The following ADD3 variants were observed in gnomAD, a reference collection of about 807,000 sequenced individuals.
The protein encoded by ADD3 is adducin 3.
A neutral mutation model predicts 80.2 loss-of-function variants in ADD3; 25 were observed. The ratio of observed to expected loss-of-function variants is 0.31; its 90% CI spans 0.23 to 0.44. ADD3 has a LOEUF of 0.44. Among genes scored for constraint, ADD3 ranks in the 20% least tolerant of loss-of-function variants. ADD3 has a pLI of 1.00. For missense variants in ADD3, 829 were observed against 847.5 expected (o/e 0.98, Z 0.27); for synonymous variants, 284 against 289.6 (o/e 0.98, Z 0.20).
chr10:110,127,369 A>C (rs1381088746), intron 12 of ADD3, among the ~76,000 whole-genome samples: 2 of 152,196 alleles, frequency 1.3e-5, no homozygotes. Context: ...CTGTAATCCC[A>C]GCACTTTGGG....
chr10:110,117,536 A>G (rs1020633414), intron 5 of ADD3, 114 bp downstream of exon 5: 1 of 640,018 alleles, frequency 1.6e-6, no homozygotes, highest in South Asian at 1.9e-5. Context: ...AACATTTACT[A>G]GTGAACAGTG....
chr10:110,093,967 A>AC (rs1489254450), intron 1 of ADD3, among the ~76,000 whole-genome samples: 1 of 152,104 alleles, frequency 6.6e-6, no homozygotes. Context: ...AAGGAGGGGA[A>AC]CTACTGTATT....
intron 1 of ADD3, among the ~76,000 whole-genome samples, chr10:110,072,028 G>T (rs183942913): frequency 2.0e-5 from 3 of 152,160 alleles, no homozygotes; most frequent in African/African-American, 4.8e-5. Context: ...TATTAAATAG[G>T]CAAGGGACAT....
chr10:110,062,138 G>A lies in ADD3; in HGVS notation c.-29-38487G>A, dbSNP rs1040314914. ...AGCACTTTGGGAGGCCGAGGCAGGC[G>A]TATCACCTGAGGTCGGGAGTTCAAG... is the stretch of plus-strand genomic sequence containing the variant. On this transcript the variant is annotated intron_variant, in intron 1 of 14. Coordinates refer to ENST00000356080, the MANE Select transcript of ADD3 (RefSeq NM_016824.5). Among the ~76,000 whole-genome samples, 15 of 143,130 alleles carry A rather than the reference G, an allele frequency of 1.0e-4. No homozygotes were observed. The East Asian group carries it at 1.4e-3, about 14-fold the overall frequency. The allele number at this position is 143,130 out of a possible 152,430, so 93.9% of individuals were successfully genotyped here.
At chr10:110,056,862 C>T (rs1211334039) in intron 1 of ADD3, among the ~76,000 whole-genome samples, 1 of 152,062 alleles carries the variant, frequency 6.6e-6, no homozygotes, top group Admixed American at 6.6e-5. Flanking sequence ...AAGGAAAAAC[C>T]CTTTCTTTTT....
chr10:110,088,557 A>G (rs964656066), intron 1 of ADD3, among the ~76,000 whole-genome samples: 4 of 152,222 alleles, frequency 2.6e-5, no homozygotes, highest in Non-Finnish European at 4.4e-5. Context: ...TTAGCAGCCA[A>G]AATCGGAAGG....
chr10:110,120,851 C>T (rs1002506530), intron 8 of ADD3, among the ~76,000 whole-genome samples: 1 of 152,066 alleles, frequency 6.6e-6, no homozygotes, highest in Non-Finnish European at 1.5e-5. Flanking sequence ...CGCCACATAC[C>T]TACGACTAGC....
At chr10:110,130,297 G>T in intron 12 of ADD3, 66 bp from the exon 13 acceptor site, 2 of 1,514,578 alleles carry the variant, frequency 1.3e-6, no homozygotes, top group Non-Finnish European at 1.8e-6. Flanking sequence ...TATATAGATG[G>T]ATGGATGGAT....
chr10:110,116,225 C>T (rs373456066), intron 3 of ADD3, 34 bp from the exon 4 acceptor site: 3 of 1,609,234 alleles, frequency 1.9e-6, no homozygotes, highest in Non-Finnish European at 2.5e-6. Flanking sequence ...GATTGCATGA[C>T]TCGTATCTCT....
intron 8 of ADD3, among the ~76,000 whole-genome samples, chr10:110,120,233 C>A (rs1417669941): frequency 1.9e-5 from 2 of 107,552 alleles, no homozygotes; most frequent in African/African-American, 7.2e-5. Flanking sequence ...CCTCCCCCCA[C>A]CCCACCACAG....
intron 1 of ADD3, among the ~76,000 whole-genome samples, chr10:110,024,013 A>G (rs917200375): frequency 1.3e-5 from 2 of 152,202 alleles, no homozygotes; most frequent in African/African-American, 4.8e-5. Flanking sequence ...GGGGACTACT[A>G]GAGGCAGAAG....
rs1183391439 is a variant in ADD3, at chr10:109,999,535, C to A, written n.79+3089C>A. On this transcript the variant is annotated intron_variant and non_coding_transcript_variant, in intron 1 of 5. Coordinates refer to the ADD3 transcript ENST00000468251. ...CCCTGACTCTGGTATATTATACTTA[C>A]AAAATATGTGCCTGGGCAAATTATT... is the stretch of plus-strand genomic sequence containing the variant. Among the ~76,000 whole-genome samples, 3 of 152,336 alleles carry A rather than the reference C, an allele frequency of 2.0e-5. No homozygotes were observed. In the East Asian group the frequency reaches 5.8e-4, roughly 29 times the overall value.
intron 1 of ADD3, among the ~76,000 whole-genome samples, chr10:110,026,776 AT>A (rs199911023): frequency 0.019 from 2,794 of 145,230 alleles, 107 homozygotes; most frequent in East Asian, 0.19. Context: ...TTAATGATTG[AT>A]TTTTTTTTTT....
chr10:110,050,734 C>T (rs1857428271), intron 1 of ADD3, among the ~76,000 whole-genome samples: 1 of 152,092 alleles, frequency 6.6e-6, no homozygotes, highest in Non-Finnish European at 1.5e-5. Flanking sequence ...TGGTCTTGAA[C>T]TCCCGACCTT....
At chr10:110,041,193 C>G (rs552131241) in intron 1 of ADD3, among the ~76,000 whole-genome samples, 10 of 152,278 alleles carry the variant, frequency 6.6e-5, no homozygotes, top group Non-Finnish European at 1.3e-4. Flanking sequence ...ACATAGAGAT[C>G]TGGAGCACAA....
intron 1 of ADD3, among the ~76,000 whole-genome samples, chr10:110,030,148 A>G (rs924728348): frequency 4.1e-5 from 6 of 145,756 alleles, no homozygotes; most frequent in African/African-American, 1.5e-4. Flanking sequence ...ACATGGAGAA[A>G]CCTCATCTCT....
At chr10:110,049,031 A>G (rs1258703590) in intron 1 of ADD3, among the ~76,000 whole-genome samples, 1 of 152,202 alleles carries the variant, frequency 6.6e-6, no homozygotes, top group African/African-American at 2.4e-5. Flanking sequence ...TGTGCAACCT[A>G]GGGACTTGGT....
At chr10:110,122,497 G>A (rs944402018) in intron 9 of ADD3, among the ~76,000 whole-genome samples, 1 of 151,494 alleles carries the variant, frequency 6.6e-6, no homozygotes. Flanking sequence ...ACAATATATT[G>A]TTATTAACTG....
intron 1 of ADD3, among the ~76,000 whole-genome samples, chr10:110,051,782 C>G (rs1358252188): frequency 6.6e-6 from 1 of 152,130 alleles, no homozygotes; most frequent in Non-Finnish European, 1.5e-5. Flanking sequence ...TGTATAGATT[C>G]CTTTTTACGG....
Sources: allele counts gnomAD v4.1 joint callset (sites outside exome capture counted in the v4.1 genomes callset), GRCh38; gene constraint gnomAD v4.1.1; transcripts MANE v1.5; gene names NCBI Gene and HGNC (gene_info 2026-07-23, HGNC 2026-07-21).